The following VSTM2B variants were observed in gnomAD, a reference collection of about 807,000 sequenced individuals.
VSTM2B encodes V-set and transmembrane domain-containing protein 2B.
VSTM2B carries 24 observed loss-of-function variants against 24.0 expected under a neutral mutation model. The observed-to-expected ratio is 1.00, with a 90% CI of 0.72 to 1.40. The LOEUF is 1.40. Ranked by LOEUF, VSTM2B falls within the 40% of genes most tolerant of loss-of-function variation. The pLI, the probability that VSTM2B is intolerant of heterozygous loss-of-function variation, is 0.00. For synonymous variants in VSTM2B, 226 were observed against 194.4 expected (o/e 1.16, Z -1.35); for missense variants, 399 against 416.4 (o/e 0.96, Z 0.36).
At chr19:29,540,859 A>G (rs1163904864) in intron 4 of VSTM2B, among the ~76,000 whole-genome samples, 1 of 152,200 alleles carries the variant, frequency 6.6e-6, no homozygotes, top group African/African-American at 2.4e-5. Context: ...CCCATGGGCT[A>G]TGGGAGCTAA....
chr19:29,552,565 T>C (rs10417254), intron 4 of VSTM2B, among the ~76,000 whole-genome samples: 13,531 of 152,230 alleles, frequency 0.089, 1,261 homozygotes, highest in African/African-American at 0.24. Flanking sequence ...CTGTGAAACC[T>C]GTGGGTCAGG....
chr19:29,563,780 C>G, intron 4 of VSTM2B, 66 bp from the exon 5 acceptor site: 5 of 1,423,362 alleles, frequency 3.5e-6, no homozygotes, highest in Non-Finnish European at 4.8e-6. Flanking sequence ...TGTTCCTGGT[C>G]TGCTGTGAGC....
chr19:29,555,054 A>C (rs878929308), intron 4 of VSTM2B, among the ~76,000 whole-genome samples: 1 of 152,222 alleles, frequency 6.6e-6, no homozygotes, highest in African/African-American at 2.4e-5. Flanking sequence ...CTCTGGATTA[A>C]GTGGACCTGA....
chr19:29,563,387 G>C (rs188520006), intron 4 of VSTM2B, among the ~76,000 whole-genome samples: 32 of 152,086 alleles, frequency 2.1e-4, no homozygotes, highest in African/African-American at 7.7e-4. Context: ...GGGAATACAG[G>C]TGCATGCCAC....
chr19:29,556,149 CG>C (rs536527990), intron 4 of VSTM2B, among the ~76,000 whole-genome samples: 3 of 147,902 alleles, frequency 2.0e-5, no homozygotes, highest in Non-Finnish European at 1.5e-5. Flanking sequence ...TGATGAACAT[CG>C]ATGCAAAAAT....
Position 29,528,926 on chromosome 19 carries a change from G to A in VSTM2B, c.297+464G>A. 3.0e-6 allele frequency: 3 copies of A among 985,436 alleles called. No individual in the cohort carries two copies. The South Asian group carries it at 1.4e-4, about 46-fold the overall frequency. The allele number at this position is 985,436 out of a possible 1,614,324, so 61.0% of individuals were successfully genotyped here. On this transcript the variant is annotated intron_variant, in intron 3 of 4. Coordinates refer to ENST00000335523, the MANE Select transcript of VSTM2B (RefSeq NM_001146339.2). Reference sequence around the variant, plus strand: ...TCCTCCGCCTGGATTGCGGGTCTGGGTGCGGGGTGTTGCAGGCTTGCAGGG... The same window carrying A: ...TCCTCCGCCTGGATTGCGGGTCTGGATGCGGGGTGTTGCAGGCTTGCAGGG...
intron 4 of VSTM2B, among the ~76,000 whole-genome samples, chr19:29,539,829 C>G (rs925326352): frequency 2.6e-5 from 4 of 152,210 alleles, no homozygotes; most frequent in Non-Finnish European, 5.9e-5. Flanking sequence ...GCCAGGAAGC[C>G]AGGGCCCCTC....
At chr19:29,543,583 G>A (rs1970074517) in intron 4 of VSTM2B, among the ~76,000 whole-genome samples, 1 of 152,202 alleles carries the variant, frequency 6.6e-6, no homozygotes, top group Non-Finnish European at 1.5e-5. Flanking sequence ...GCATGGCCAG[G>A]CCCATTTCCA....
intron 4 of VSTM2B, among the ~76,000 whole-genome samples, chr19:29,540,989 G>T (rs1268132303): frequency 6.6e-6 from 1 of 152,202 alleles, no homozygotes; most frequent in African/African-American, 2.4e-5. Flanking sequence ...TCCAGGAAGA[G>T]GGACTCACAT....
intron 4 of VSTM2B, among the ~76,000 whole-genome samples, chr19:29,560,905 C>T (rs1228248935): frequency 6.6e-6 from 1 of 152,200 alleles, no homozygotes; most frequent in African/African-American, 2.4e-5. Context: ...CCGCTGCATA[C>T]CCTGAGGGCT....
chr19:29,535,213 C>A (rs968493022), intron 4 of VSTM2B, among the ~76,000 whole-genome samples: 1 of 152,180 alleles, frequency 6.6e-6, no homozygotes, highest in African/African-American at 2.4e-5. Flanking sequence ...TTCGTGAACA[C>A]TTTGTTGCTG....
chr19:29,554,128 T>C (rs1970352852), intron 4 of VSTM2B, among the ~76,000 whole-genome samples: 1 of 151,996 alleles, frequency 6.6e-6, no homozygotes, highest in Non-Finnish European at 1.5e-5. Context: ...ATCATCAGAT[T>C]CTCCAAGGTT....
rs576844527 is a variant in VSTM2B at position 29,546,494 on chromosome 19, A to G, written c.769+16204A>G. Among the ~76,000 whole-genome samples, 10 of 152,290 alleles carry G rather than the reference A, an allele frequency of 6.6e-5. No individual in the cohort carries two copies. In the East Asian group the frequency reaches 1.9e-3, roughly 29 times the overall value. ...GTTTCTACCTCCTAAGGCTGCTGAG[A>G]GAGATAAAGGGGAAAATTCTCTTGC... On this transcript the variant is annotated intron_variant, in intron 4 of 4. Coordinates refer to ENST00000335523, the MANE Select transcript of VSTM2B (RefSeq NM_001146339.2).
intron 4 of VSTM2B, among the ~76,000 whole-genome samples, chr19:29,549,785 A>G (rs1036347341): frequency 3.9e-5 from 6 of 152,096 alleles, no homozygotes; most frequent in Non-Finnish European, 7.4e-5. Context: ...AAACCCAGAG[A>G]AATTCCTTGT....
At chr19:29,546,782 C>T (rs555169986) in intron 4 of VSTM2B, among the ~76,000 whole-genome samples, 4 of 152,244 alleles carry the variant, frequency 2.6e-5, no homozygotes, top group Admixed American at 2.6e-4. Flanking sequence ...TAAGTGACAT[C>T]ATTAAAGGGC....
intron 4 of VSTM2B, among the ~76,000 whole-genome samples, chr19:29,559,659 T>C (rs10416935): frequency 6.6e-6 from 1 of 152,080 alleles, no homozygotes; most frequent in Non-Finnish European, 1.5e-5. Context: ...TTGCCTTGCT[T>C]GTTCTAGCTT....
At chr19:29,548,793 C>T (rs914468837) in intron 4 of VSTM2B, among the ~76,000 whole-genome samples, 1 of 152,198 alleles carries the variant, frequency 6.6e-6, no homozygotes, top group African/African-American at 2.4e-5. Context: ...CACACAACTG[C>T]ATGGGGACAA....
In VSTM2B at chr19:29,546,847, G is replaced by A. The variant is rs992981716; in HGVS notation, c.769+16557G>A. ...GATGGAAAACTGGAGAGGAGGTGGC[G>A]GCAAAGTTGGCCACATTAAAAAGCC... is the stretch of plus-strand genomic sequence containing the variant. On this transcript the variant is annotated intron_variant, in intron 4 of 4. Transcript: ENST00000335523. 3.3e-5 allele frequency among the ~76,000 whole-genome samples: 5 copies of A among 152,260 alleles called. No individual in the cohort carries two copies. In the East Asian group the frequency reaches 5.8e-4, roughly 18 times the overall value.
chr19:29,552,487 C>T (rs996561123), intron 4 of VSTM2B, among the ~76,000 whole-genome samples: 5 of 152,186 alleles, frequency 3.3e-5, no homozygotes, highest in Non-Finnish European at 7.4e-5. Context: ...GAAGCACCTA[C>T]CACCAGCCAA....
Sources: gnomAD v4.1 joint callset for allele counts (sites outside exome capture counted in the v4.1 genomes callset) on GRCh38, gnomAD v4.1.1 for gene constraint, MANE v1.5 for transcripts, NCBI Gene and HGNC (gene_info 2026-07-23, HGNC 2026-07-21) for gene names.